CTNNA2: variants seen among roughly 807,000 people sequenced by gnomAD.
CTNNA2 encodes the protein catenin alpha-2.
In CTNNA2, 42 loss-of-function variants were observed where a neutral mutation model predicts 101.0. The ratio of observed to expected loss-of-function variants is 0.42; its 90% CI spans 0.32 to 0.54. CTNNA2 has a LOEUF of 0.54. Among genes scored for constraint, CTNNA2 ranks in the 20% least tolerant of loss-of-function variants. The pLI, the probability that CTNNA2 is intolerant of heterozygous loss-of-function variation, is 0.14. For missense variants in CTNNA2, 871 were observed against 1,223.1 expected (o/e 0.71, Z 4.29); for synonymous variants, 450 against 456.4 (o/e 0.99, Z 0.18).
chr2:80,548,595 C>A (rs967545281), intron 11 of CTNNA2, among the ~76,000 whole-genome samples: 1 of 152,170 alleles, frequency 6.6e-6, no homozygotes, highest in African/African-American at 2.4e-5. Context: ...CCCAGTGGTA[C>A]AAGTGCCACG....
At chr2:80,484,321 A>G (rs1477917168) in intron 9 of CTNNA2, among the ~76,000 whole-genome samples, 4 of 152,192 alleles carry the variant, frequency 2.6e-5, no homozygotes, top group African/African-American at 7.2e-5. Context: ...TTAAAGAGGT[A>G]TATGTGGGCA....
chr2:79,664,833 T>A (rs1033158359), intron 2 of CTNNA2, among the ~76,000 whole-genome samples: 3 of 146,834 alleles, frequency 2.0e-5, no homozygotes, highest in African/African-American at 7.5e-5. Context: ...TGCCTCAGCC[T>A]CCCAAGTAGC....
intron 1 of CTNNA2, among the ~76,000 whole-genome samples, chr2:79,187,270 C>CTTT (rs781414965): frequency 3.1e-5 from 2 of 65,468 alleles, no homozygotes; most frequent in South Asian, 5.1e-4. Flanking sequence ...CTTTTCTTTT[C>CTTT]TTTTTTTTTT....
intron 4 of CTNNA2, among the ~76,000 whole-genome samples, chr2:79,394,666 C>T (rs939253105): frequency 1.2e-4 from 18 of 152,166 alleles, no homozygotes; most frequent in African/African-American, 3.4e-4. Context: ...CCCTGCAGGA[C>T]ATCAATTTCT....
At chr2:80,493,394 G>T (rs889402395) in intron 9 of CTNNA2, among the ~76,000 whole-genome samples, 5 of 152,196 alleles carry the variant, frequency 3.3e-5, no homozygotes, top group African/African-American at 1.2e-4. Context: ...GGTACCCAGA[G>T]AACATGGAGA....
intron 2 of CTNNA2, among the ~76,000 whole-genome samples, chr2:79,270,261 A>G (rs1252325824): frequency 6.6e-6 from 1 of 152,132 alleles, no homozygotes; most frequent in Admixed American, 6.5e-5. Context: ...GAAGAATCCC[A>G]TGATTTAGTC....
At chr2:80,643,621 G>A (rs192243102) in intron 18 of CTNNA2, among the ~76,000 whole-genome samples, 8 of 152,282 alleles carry the variant, frequency 5.3e-5, no homozygotes, top group African/African-American at 1.9e-4. Flanking sequence ...AGGTCAGCTT[G>A]AGGAAGGGCT....
At position 79,616,592 on chromosome 2, in the gene CTNNA2, A is replaced by G. The variant is rs149328914; in HGVS notation, c.-5-34960A>G. ...AAAACCACAGCCACCCTCGTCTTTC[A>G]TCCATCCACCCATCACCTTCTAATT... On this transcript the variant is annotated intron_variant, in intron 1 of 18. Transcript: ENST00000402739. Among the ~76,000 whole-genome samples the G allele has an allele frequency of 9.8e-5, 15 of 152,316 alleles. No homozygotes were observed. In the East Asian group the frequency reaches 2.7e-3, roughly 27 times the overall value.
At chr2:80,138,067 C>T (rs11685451) in intron 7 of CTNNA2, among the ~76,000 whole-genome samples, 34,501 of 152,026 alleles carry the variant, frequency 0.23, 4,729 homozygotes, top group South Asian at 0.39. Context: ...TGGAATTCCA[C>T]AGAGCATCCT....
chr2:80,467,462 T>C (rs1375421996), intron 9 of CTNNA2, among the ~76,000 whole-genome samples: 1 of 152,198 alleles, frequency 6.6e-6, no homozygotes, highest in African/African-American at 2.4e-5. Context: ...TTTGCACTTC[T>C]GTGAGACCAT....
chr2:79,804,842 G>A (rs949413659), intron 3 of CTNNA2, among the ~76,000 whole-genome samples: 4 of 152,114 alleles, frequency 2.6e-5, no homozygotes, highest in Admixed American at 1.3e-4. Context: ...TTTTAAAACC[G>A]ATTTAAGAAA....
At chr2:80,164,939 GTT>G (rs774573996) in intron 7 of CTNNA2, among the ~76,000 whole-genome samples, 5 of 99,266 alleles carry the variant, frequency 5.0e-5, no homozygotes, top group Admixed American at 9.7e-5. Flanking sequence ...CCAACTTTTG[GTT>G]TTTTTTTTTT....
chr2:80,561,438 C>G (rs1018510282), intron 12 of CTNNA2, among the ~76,000 whole-genome samples: 1 of 152,058 alleles, frequency 6.6e-6, no homozygotes, highest in African/African-American at 2.4e-5. Context: ...ATAATTTTTC[C>G]TAAAAGCAAA....
intron 7 of CTNNA2, among the ~76,000 whole-genome samples, chr2:80,340,459 C>A (rs928527298): frequency 1.3e-5 from 2 of 152,090 alleles, no homozygotes; most frequent in African/African-American, 4.8e-5. Context: ...AAGGTTTTGA[C>A]GTTCATAATT....
chr2:79,311,672 T>G (rs1021502096), intron 2 of CTNNA2, among the ~76,000 whole-genome samples: 7 of 152,116 alleles, frequency 4.6e-5, no homozygotes, highest in African/African-American at 1.4e-4. Context: ...ACTATTCTAC[T>G]ACTGCTACAA....
intron 4 of CTNNA2, among the ~76,000 whole-genome samples, chr2:79,491,034 G>A (rs1671203011): frequency 6.6e-6 from 1 of 152,178 alleles, no homozygotes; most frequent in Non-Finnish European, 1.5e-5. Flanking sequence ...TCAAAGCACA[G>A]TAATGGATGA....
intron 1 of CTNNA2, among the ~76,000 whole-genome samples, chr2:79,598,485 G>GT (rs764149387): frequency 6.6e-5 from 10 of 152,194 alleles, no homozygotes; most frequent in Non-Finnish European, 1.3e-4. Context: ...TGCTGTCAGT[G>GT]TTTTGTGTTT....
In CTNNA2 at chr2:79,193,209, T is replaced by C. The variant is rs1673897626; in HGVS notation, c.-523-4750T>C. On this transcript the variant is annotated intron_variant, in intron 1 of 21. Transcript: ENST00000466387. The stretch of plus-strand genomic sequence containing the variant: ...TTTACTATAATGTATTCATTCTACT[T>C]GGGTGGAAATTTCAGTGTTTTTTCC... Among the ~76,000 whole-genome samples, 3 of 152,286 alleles carry C rather than the reference T, an allele frequency of 2.0e-5. No individual in the cohort carries two copies. In the South Asian group the frequency reaches 6.2e-4, roughly 32 times the overall value.
intron 3 of CTNNA2, among the ~76,000 whole-genome samples, chr2:79,821,356 GCAT>G (rs1442760652): frequency 6.6e-6 from 1 of 152,062 alleles, no homozygotes; most frequent in Non-Finnish European, 1.5e-5. Flanking sequence ...CTACAGCTGT[GCAT>G]CACCATTTCT....
Sources: allele counts gnomAD v4.1 joint callset (sites outside exome capture counted in the v4.1 genomes callset), GRCh38; gene constraint gnomAD v4.1.1; transcripts MANE v1.5; gene names NCBI Gene and HGNC (gene_info 2026-07-23, HGNC 2026-07-21).